Variants in HYCC2 observed in about 807,000 individuals in gnomAD.
HYCC2 encodes hyccin 2.
At chr2:201,001,369 C>A in the HYCC2 span, among the ~76,000 whole-genome samples, 3 of 152,202 alleles carry the variant, frequency 2.0e-5, no homozygotes, top group Non-Finnish European at 4.4e-5. Flanking sequence ...TTTGTTATAG[C>A]AGCCCAAATA....
the HYCC2 span, among the ~76,000 whole-genome samples, chr2:201,038,100 C>A: frequency 6.6e-6 from 1 of 152,188 alleles, no homozygotes; most frequent in African/African-American, 2.4e-5. Context: ...ACAGACACTT[C>A]TCAAAAGAAG....
chr2:201,039,783 T>C, the HYCC2 span, among the ~76,000 whole-genome samples: 1 of 152,226 alleles, frequency 6.6e-6, no homozygotes, highest in African/African-American at 2.4e-5. Flanking sequence ...CTACTACTAC[T>C]TCACAATTTA....
At chr2:201,062,520 G>A in the HYCC2 span, among the ~76,000 whole-genome samples, 4 of 152,008 alleles carry the variant, frequency 2.6e-5, no homozygotes, top group East Asian at 1.9e-4. Flanking sequence ...TGGTGGTGGC[G>A]GGCACCTGTA....
At chr2:201,070,360 T>G in the HYCC2 span, among the ~76,000 whole-genome samples, 2 of 152,156 alleles carry the variant, frequency 1.3e-5, no homozygotes, top group Non-Finnish European at 2.9e-5. Context: ...ACTTAAAAGT[T>G]GACTTTTTTC....
chr2:200,978,787 T>G, the HYCC2 span: 1 of 152,124 alleles, frequency 6.6e-6, no homozygotes, highest in Non-Finnish European at 1.5e-5. Context: ...GATGAACATT[T>G]TTTAAAACCA....
At chr2:201,042,199 C>G in the HYCC2 span, among the ~76,000 whole-genome samples, 2 of 152,254 alleles carry the variant, frequency 1.3e-5, no homozygotes, top group Admixed American at 1.3e-4. Flanking sequence ...CGCGAGTGGT[C>G]TGCCAGCCTC....
chr2:200,981,036 T>G, the HYCC2 span: 1 of 567,160 alleles, frequency 1.8e-6, no homozygotes, highest in Non-Finnish European at 3.1e-6. This position sits in a 1 kb window ranked among gnomAD's most constrained non-coding sequence, Gnocchi z 4.5. Context: ...AGGCAACCAT[T>G]TTATACTGCT....
the HYCC2 span, chr2:201,022,226 T>A: frequency 7.8e-6 from 4 of 509,848 alleles, no homozygotes; most frequent in Non-Finnish European, 1.0e-5. Flanking sequence ...AATGGAAAGA[T>A]AATGTGTGTA....
chr2:201,008,944 T>C, the HYCC2 span: 1 of 1,306,292 alleles, frequency 7.7e-7, no homozygotes, highest in Non-Finnish European at 1.1e-6. Flanking sequence ...TACATACAAG[T>C]TGTTACTATA....
At chr2:200,976,416 G>A in the HYCC2 span, 2 of 151,946 alleles carry the variant, frequency 1.3e-5, no homozygotes, top group Non-Finnish European at 1.5e-5. Context: ...AATAAATAGG[G>A]GACTACCCCT....
At chr2:201,004,079 G>T in the HYCC2 span, among the ~76,000 whole-genome samples, 1 of 152,088 alleles carries the variant, frequency 6.6e-6, no homozygotes, top group East Asian at 1.9e-4. Context: ...GCCTCCCCAA[G>T]TGCTGGGATT....
the HYCC2 span, among the ~76,000 whole-genome samples, chr2:201,036,239 A>T: frequency 6.6e-6 from 1 of 152,192 alleles, no homozygotes; most frequent in Non-Finnish European, 1.5e-5. Context: ...TCTGAAATTG[A>T]GGCAATAATT....
At chr2:200,974,078 C>G in the HYCC2 span, 4 of 151,896 alleles carry the variant, frequency 2.6e-5, no homozygotes, top group Non-Finnish European at 5.9e-5. Flanking sequence ...AAGGTTGTCA[C>G]TAGTCCTAGG....
At chr2:201,013,595 C>T in the HYCC2 span, among the ~76,000 whole-genome samples, 1 of 152,014 alleles carries the variant, frequency 6.6e-6, no homozygotes, top group African/African-American at 2.4e-5. Context: ...AGAAGAATAC[C>T]AATTACATGT....
chr2:201,015,982 T>C, the HYCC2 span, among the ~76,000 whole-genome samples: 1 of 152,326 alleles, frequency 6.6e-6, no homozygotes, highest in African/African-American at 2.4e-5. Flanking sequence ...CCTCTTATTA[T>C]ACAAACCACA....
At chr2:201,070,373 C>G in the HYCC2 span, among the ~76,000 whole-genome samples, 83 of 152,236 alleles carry the variant, frequency 5.5e-4, no homozygotes, top group East Asian at 0.015. Context: ...CTTTTTTCTG[C>G]CGGGCACGGT....
the HYCC2 span, chr2:201,022,417 T>A: frequency 7.2e-6 from 2 of 276,010 alleles, no homozygotes; most frequent in Non-Finnish European, 1.4e-5. Context: ...TCAGTTTGAT[T>A]TCACTGACTA....
the HYCC2 span, among the ~76,000 whole-genome samples, chr2:201,036,014 TG>T: frequency 2.0e-5 from 3 of 151,924 alleles, no homozygotes; most frequent in African/African-American, 7.3e-5. Flanking sequence ...CTGTCCCTAC[TG>T]GGGGGGTGCC....
At chr2:200,986,657 T>C in the HYCC2 span, among the ~76,000 whole-genome samples, 1 of 152,218 alleles carries the variant, frequency 6.6e-6, no homozygotes, top group Non-Finnish European at 1.5e-5. Context: ...ATCTGACCTC[T>C]AAATAGAATA....
Sources: allele counts gnomAD v4.1 joint callset (sites outside exome capture counted in the v4.1 genomes callset), GRCh38; gene constraint gnomAD v4.1.1; non-coding constraint Gnocchi (gnomAD v3.1); transcripts MANE v1.5; gene names NCBI Gene and HGNC (gene_info 2026-07-23, HGNC 2026-07-21).